The following INPP4B variants were observed in gnomAD, a reference collection of about 807,000 sequenced individuals.
INPP4B encodes inositol polyphosphate-4-phosphatase type II B, also known as inositol polyphosphate 4-phosphatase type II.
Under a neutral mutation model 122.5 loss-of-function variants are expected in INPP4B, and 55 were observed. The observed-to-expected ratio is 0.45, with a 90% confidence interval of 0.36 to 0.56. The LOEUF is 0.56. Ranked by LOEUF, INPP4B falls within the 20% of genes least tolerant of loss-of-function variation. The pLI, the probability that INPP4B is intolerant of heterozygous loss-of-function variation, is 0.00. For missense variants in INPP4B, 1,000 were observed against 1,097.7 expected (o/e 0.91, Z 1.26); for synonymous variants, 403 against 388.7 (o/e 1.04, Z -0.43).
At chr4:142,447,973 G>A (rs1813273508) in intron 3 of INPP4B, among the ~76,000 whole-genome samples, 1 of 152,128 alleles carries the variant, frequency 6.6e-6, no homozygotes, top group Non-Finnish European at 1.5e-5. Context: ...AGAAACAGAA[G>A]ACTTCATGAA....
chr4:142,212,826 C>G (rs926442531), intron 12 of INPP4B, among the ~76,000 whole-genome samples: 1 of 152,166 alleles, frequency 6.6e-6, no homozygotes, highest in Non-Finnish European at 1.5e-5. Context: ...AGGGCCTACC[C>G]TTAGTCCCAG....
At chr4:142,426,001 A>G (rs1807973745) in intron 5 of INPP4B, among the ~76,000 whole-genome samples, 1 of 146,490 alleles carries the variant, frequency 6.8e-6, no homozygotes, top group East Asian at 1.9e-4. Context: ...TTTCAAGAAC[A>G]TTACTTCAGA....
At chr4:142,046,403 C>T (rs1751456787) in intron 25 of INPP4B, among the ~76,000 whole-genome samples, 1 of 152,030 alleles carries the variant, frequency 6.6e-6, no homozygotes. Context: ...TTAGCTTGGC[C>T]TTGGGGATTC....
chr4:142,562,903 C>T (rs1036134467), intron 2 of INPP4B, among the ~76,000 whole-genome samples: 3 of 151,994 alleles, frequency 2.0e-5, no homozygotes, highest in Admixed American at 2.0e-4. Context: ...AGTTGAATTT[C>T]CCAGAATGAC....
chr4:142,715,951 C>A (rs1183564131), intron 2 of INPP4B, among the ~76,000 whole-genome samples: 1 of 152,170 alleles, frequency 6.6e-6, no homozygotes, highest in Non-Finnish European at 1.5e-5. Flanking sequence ...GCTGGAACAC[C>A]TTACAAATGG....
chr4:142,648,708 C>T (rs60361448), intron 2 of INPP4B, among the ~76,000 whole-genome samples: 16,782 of 152,272 alleles, frequency 0.11, 963 homozygotes, highest in South Asian at 0.15. Flanking sequence ...CAGCTCAGCA[C>T]GGACTACTGC....
At position 142,305,703 on chromosome 4, in the gene INPP4B, A is replaced by G. The variant is rs570531509; in HGVS notation, c.424-166T>C. The G allele has an allele frequency of 4.2e-6, 6 of 1,444,622 alleles. No homozygotes were observed. In the Admixed American group the frequency reaches 7.6e-5, roughly 18 times the overall value. 89.5% of individuals were successfully genotyped at this position (1,444,622 alleles called of 1,614,324 possible). On this transcript the variant is annotated intron_variant, in intron 8 of 25. Coordinates refer to ENST00000262992, the MANE Select transcript of INPP4B (RefSeq NM_001101669.3). ...AAATTATCAATAATATATCTACCTCATGGGGTAGGATTAAAGGGTGAAAAT... is the reference window on the plus strand; with the variant it reads ...AAATTATCAATAATATATCTACCTCGTGGGGTAGGATTAAAGGGTGAAAAT...
chr4:142,136,796 C>T (rs1351622888), intron 18 of INPP4B, among the ~76,000 whole-genome samples: 5 of 152,106 alleles, frequency 3.3e-5, no homozygotes, highest in African/African-American at 1.2e-4. Context: ...TAAGTTATGA[C>T]TATCTGAGAA....
At chr4:142,075,101 A>T (rs956843499) in intron 25 of INPP4B, among the ~76,000 whole-genome samples, 1 of 152,074 alleles carries the variant, frequency 6.6e-6, no homozygotes, top group Non-Finnish European at 1.5e-5. Context: ...CTTAGTGCAT[A>T]GTAAGTCCTC....
intron 18 of INPP4B, among the ~76,000 whole-genome samples, chr4:142,138,200 G>A (rs1281747027): frequency 5.9e-5 from 9 of 151,830 alleles, no homozygotes; most frequent in Admixed American, 2.0e-4. Flanking sequence ...GGGATACTAT[G>A]CAGCCATAAA....
chr4:142,133,815 T>C (rs544988985), intron 18 of INPP4B, among the ~76,000 whole-genome samples: 1 of 152,330 alleles, frequency 6.6e-6, no homozygotes, highest in South Asian at 2.1e-4. Context: ...CCCTAGATAG[T>C]CACATGGCTC....
At chr4:142,134,526 T>TA (rs1171988567) in intron 18 of INPP4B, among the ~76,000 whole-genome samples, 2 of 152,118 alleles carry the variant, frequency 1.3e-5, no homozygotes, top group Non-Finnish European at 2.9e-5. Flanking sequence ...ATTTAAGTTT[T>TA]AAAAAAATTT....
intron 2 of INPP4B, among the ~76,000 whole-genome samples, chr4:142,528,410 G>C (rs1198306147): frequency 6.6e-6 from 1 of 152,052 alleles, no homozygotes; most frequent in Non-Finnish European, 1.5e-5. Context: ...GTTCCTTGCA[G>C]GTTTTAGGTC....
At chr4:142,047,990 T>C (rs183632926) in intron 25 of INPP4B, among the ~76,000 whole-genome samples, 2 of 152,162 alleles carry the variant, frequency 1.3e-5, no homozygotes, top group Non-Finnish European at 1.5e-5. Flanking sequence ...TCATAAAAAG[T>C]CAATCATAAA....
chr4:142,421,305 A>G (rs542898067), intron 5 of INPP4B, among the ~76,000 whole-genome samples: 1 of 152,238 alleles, frequency 6.6e-6, no homozygotes, highest in East Asian at 1.9e-4. Context: ...ACATAGCTCA[A>G]AGAAAGGCTC....
Position 142,720,720 on chromosome 4 carries a change from G to GTA in INPP4B, c.-191+5117_-191+5118dup, listed in dbSNP as rs1258248577. Among the ~76,000 whole-genome samples, 2 of 37,804 alleles carry GTA rather than the reference G, an allele frequency of 5.3e-5. 1 individual carries two copies. Among genetic ancestry groups the GTA allele is most frequent in the South Asian group, 1.4e-3 (2 of 1,426 alleles). 24.8% of individuals were successfully genotyped at this position (37,804 alleles called of 152,430 possible). On this transcript the variant is annotated intron_variant, in intron 2 of 25. Coordinates refer to ENST00000262992, the MANE Select transcript of INPP4B (RefSeq NM_001101669.3). ...AATATGAACAGCCAACTGTATATGT[G>GTA]TATATATATACATATATATATATAT...
chr4:142,696,998 C>G (rs553782649), intron 2 of INPP4B, among the ~76,000 whole-genome samples: 2 of 152,284 alleles, frequency 1.3e-5, no homozygotes, highest in South Asian at 4.1e-4. Context: ...GGAACACTGG[C>G]AAGCTTTCAC....
intron 1 of INPP4B, among the ~76,000 whole-genome samples, chr4:142,789,673 T>C (rs1776261721): frequency 6.6e-6 from 1 of 152,076 alleles, no homozygotes; most frequent in Non-Finnish European, 1.5e-5. Flanking sequence ...AAAAGCAATC[T>C]ATAAATTCAA....
chr4:142,491,523 G>A (rs1277023225), intron 2 of INPP4B, among the ~76,000 whole-genome samples: 1 of 152,110 alleles, frequency 6.6e-6, no homozygotes, highest in Admixed American at 6.6e-5. Context: ...CAGACATGGT[G>A]GCACACAGTG....
Sources: gnomAD v4.1 joint callset for allele counts (sites outside exome capture counted in the v4.1 genomes callset) on GRCh38, gnomAD v4.1.1 for gene constraint, MANE v1.5 for transcripts, NCBI Gene and HGNC (gene_info 2026-07-23, HGNC 2026-07-21) for gene names.